The following USP49 variants were observed in gnomAD, a reference collection of about 807,000 sequenced individuals.
The protein encoded by USP49 is ubiquitin carboxyl-terminal hydrolase 49.
Under a neutral mutation model 58.6 loss-of-function variants are expected in USP49, and 24 were observed. The observed-to-expected ratio is 0.41, with a 90% CI of 0.30 to 0.58. USP49 has a LOEUF of 0.58. USP49 is among the 20% of genes least tolerant of loss of function. The pLI, the probability that USP49 is intolerant of heterozygous loss-of-function variation, is 0.30. For missense variants in USP49, 703 were observed against 866.1 expected (o/e 0.81, Z 2.36); for synonymous variants, 408 against 365.1 (o/e 1.12, Z -1.34).
At chr6:41,887,630 G>A (rs569598056) in intron 2 of USP49, among the ~76,000 whole-genome samples, 19 of 152,242 alleles carry the variant, frequency 1.2e-4, no homozygotes, top group African/African-American at 4.6e-4. Context: ...AACCACAAAA[G>A]AAAAATAAAT....
intron 2 of USP49, 64 bp downstream of exon 2, chr6:41,891,730 C>T (rs747296903): frequency 1.7e-4 from 26 of 152,286 alleles, no homozygotes; most frequent in Non-Finnish European, 2.9e-4. Context: ...CAAAGATTAT[C>T]TACAGAGGTT....
chr6:41,877,751 G>A (rs1408709059), intron 2 of USP49, among the ~76,000 whole-genome samples: 1 of 151,916 alleles, frequency 6.6e-6, no homozygotes, highest in Non-Finnish European at 1.5e-5. Flanking sequence ...AGTAGAAACA[G>A]GGTTTCACCA....
chr6:41,837,859 C>G (rs1484793531), intron 3 of USP49, among the ~76,000 whole-genome samples: 1 of 152,218 alleles, frequency 6.6e-6, no homozygotes, highest in Non-Finnish European at 1.5e-5. Flanking sequence ...AAAGAATGCT[C>G]AGCATCACTA....
chr6:41,821,476 G>T (rs987166621), intron 3 of USP49, among the ~76,000 whole-genome samples: 1 of 152,134 alleles, frequency 6.6e-6, no homozygotes, highest in Non-Finnish European at 1.5e-5. Context: ...CCTTTACTGG[G>T]AAAGAAAAGT....
At chr6:41,804,065 A>G in intron 4 of USP49, 55 bp from the exon 5 acceptor site, 1 of 1,529,050 alleles carries the variant, frequency 6.5e-7, no homozygotes, top group Admixed American at 1.8e-5. Context: ...TCCTGTGTAC[A>G]GTTTTACTTG....
At chr6:41,860,606 C>A (rs1193168985) in intron 3 of USP49, among the ~76,000 whole-genome samples, 1 of 152,070 alleles carries the variant, frequency 6.6e-6, no homozygotes, top group African/African-American at 2.4e-5. Context: ...TTCCCGGGTT[C>A]AAGTGATTCC....
chr6:41,861,218 C>A (rs945288395), intron 3 of USP49, among the ~76,000 whole-genome samples: 1 of 151,944 alleles, frequency 6.6e-6, no homozygotes, highest in Admixed American at 6.6e-5. Context: ...CCGAGGCAGG[C>A]GGATCACGAG....
intron 7 of USP49, chr6:41,797,655 C>T (rs1351224824): frequency 7.1e-6 from 7 of 985,704 alleles, no homozygotes; most frequent in South Asian, 9.4e-5. Flanking sequence ...TAAATGTTCT[C>T]GGCTTTATTA....
chr6:41,803,490 G>A lies in USP49; in HGVS notation c.1561+316C>T, dbSNP rs1773056061. ...AGCTAATTTTTGTATTTTTAGTAGAGACAGGGTTTCACCATGTTGGTCAGG... is the reference window on the plus strand; with the variant it reads ...AGCTAATTTTTGTATTTTTAGTAGAAACAGGGTTTCACCATGTTGGTCAGG... On this transcript the variant is annotated intron_variant, in intron 5 of 7. Transcript: ENST00000682992. The surrounding 1 kb of genome is among the most constrained non-coding windows in gnomAD (Gnocchi z 4.1). Among the ~76,000 whole-genome samples the A allele has an allele frequency of 6.6e-6, 1 of 152,180 alleles. No homozygotes were observed. Among genetic ancestry groups the A allele is most frequent in the Non-Finnish European group, 1.5e-5 (1 of 68,038 alleles).
At chr6:41,889,770 C>T (rs1301437955) in intron 2 of USP49, among the ~76,000 whole-genome samples, 1 of 152,128 alleles carries the variant, frequency 6.6e-6, no homozygotes, top group Non-Finnish European at 1.5e-5. Context: ...AAACATTCTC[C>T]CCTTTTCTTC....
Position 41,805,565 on chromosome 6 carries a change from G to A in USP49, c.1356+63C>T, listed in dbSNP as rs980306672. The A allele has an allele frequency of 8.6e-6, 13 of 1,516,836 alleles. No homozygotes were observed. The East Asian group carries it at 1.4e-4, about 16-fold the overall frequency. The allele number at this position is 1,516,836 out of a possible 1,614,324, so 94.0% of individuals were successfully genotyped here. A position where few individuals can be genotyped will look rare whatever the true frequency, so the allele number is the denominator to read the frequency against. On this transcript the variant is annotated intron_variant, in intron 4 of 7. Transcript: ENST00000682992. ...TTATTAGCCCAATAACCCGGGGAAG[G>A]CACTCACAGGAAGCCCAAGCTAACA...
intron 2 of USP49, among the ~76,000 whole-genome samples, chr6:41,887,094 T>G (rs1055423264): frequency 6.6e-6 from 1 of 152,186 alleles, no homozygotes; most frequent in Non-Finnish European, 1.5e-5. Flanking sequence ...TGTCAGAGAC[T>G]GAAAGAAAGA....
intron 3 of USP49, among the ~76,000 whole-genome samples, chr6:41,850,378 G>A (rs1219580160): frequency 1.3e-5 from 2 of 151,600 alleles, no homozygotes; most frequent in Non-Finnish European, 2.9e-5. Context: ...GGGAGGCAGA[G>A]GTTGCAGTGA....
At position 41,809,519 on chromosome 6, in the gene USP49, C is replaced by T. The variant is rs185759315; in HGVS notation, c.-28-2508G>A. ...CAGCCTGGAGGACAGAGCAAGACTC[C>T]GTCTCAAAAAGAAAATAATAAAATA... On this transcript the variant is annotated intron_variant, in intron 3 of 7. Coordinates refer to ENST00000682992, the MANE Select transcript of USP49 (RefSeq NM_001286554.2). Among the ~76,000 whole-genome samples, 379 of 151,566 alleles carry T rather than the reference C, an allele frequency of 2.5e-3. 3 individuals are homozygous for T. Among genetic ancestry groups the T allele is most frequent in the African/African-American group, 8.6e-3 (357 of 41,326 alleles).
At chr6:41,878,640 C>T (rs1774545408) in intron 2 of USP49, among the ~76,000 whole-genome samples, 1 of 152,170 alleles carries the variant, frequency 6.6e-6, no homozygotes, top group Non-Finnish European at 1.5e-5. Flanking sequence ...AGTCTGCCAG[C>T]ATACATTAAA....
At chr6:41,863,703 A>G (rs1414511778) in intron 3 of USP49, among the ~76,000 whole-genome samples, 1 of 152,216 alleles carries the variant, frequency 6.6e-6, no homozygotes, top group African/African-American at 2.4e-5. Context: ...GATAGTGCCT[A>G]GCATATAGAA....
intron 3 of USP49, among the ~76,000 whole-genome samples, chr6:41,810,376 G>A (rs1386597557): frequency 6.7e-6 from 1 of 149,422 alleles, no homozygotes; most frequent in Non-Finnish European, 1.5e-5. Context: ...TGTAATCCCA[G>A]CTATTCGGGA....
At chr6:41,830,967 G>C (rs1444349997) in intron 3 of USP49, among the ~76,000 whole-genome samples, 1 of 152,156 alleles carries the variant, frequency 6.6e-6, no homozygotes, top group South Asian at 2.1e-4. Flanking sequence ...ATAAAAGGTA[G>C]AGCTATCGAC....
intron 3 of USP49, among the ~76,000 whole-genome samples, chr6:41,847,568 G>T (rs913534916): frequency 6.6e-6 from 1 of 152,130 alleles, no homozygotes; most frequent in Non-Finnish European, 1.5e-5. Flanking sequence ...ACAAAAATTA[G>T]CTGGGCATGG....
Sources: allele counts gnomAD v4.1 joint callset (sites outside exome capture counted in the v4.1 genomes callset), GRCh38; gene constraint gnomAD v4.1.1; non-coding constraint Gnocchi (gnomAD v3.1); transcripts MANE v1.5; gene names NCBI Gene and HGNC (gene_info 2026-07-23, HGNC 2026-07-21).